Variants in ATRX observed in about 807,000 individuals in gnomAD.
The protein encoded by ATRX is ATRX chromatin remodeler.
In ATRX, 12 loss-of-function variants were observed where a neutral mutation model predicts 172.6. The observed-to-expected ratio is 0.07, with a 90% CI of 0.04 to 0.11. ATRX has a LOEUF of 0.11. Among genes scored for constraint, ATRX ranks in the 10% least tolerant of loss-of-function variants. The pLI, the probability that ATRX is intolerant of heterozygous loss-of-function variation, is 1.00. For missense variants in ATRX, 1,368 were observed against 1,767.4 expected (o/e 0.77, Z 4.05); for synonymous variants, 674 against 594.7 (o/e 1.13, Z -1.94).
intron 1 of ATRX, among the ~76,000 whole-genome samples, chrX:77,757,875 T>C (rs2075566846): frequency 9.2e-6 from 1 of 108,744 alleles, no homozygotes; most frequent in South Asian, 4.2e-4. Flanking sequence ...TTTCTCCATA[T>C]TGGCCAGGCT....
intron 1 of ATRX, among the ~76,000 whole-genome samples, chrX:77,758,726 T>C (rs1215141658): frequency 9.1e-6 from 1 of 110,451 alleles, no homozygotes; most frequent in Non-Finnish European, 1.9e-5. Context: ...CCACTGCACT[T>C]TAGCCTGGGT....
intron 34 of ATRX, among the ~76,000 whole-genome samples, chrX:77,511,973 G>A (rs2062885266): frequency 9.0e-6 from 1 of 111,497 alleles, no homozygotes; most frequent in Non-Finnish European, 1.9e-5. Context: ...GAAAAAGAAG[G>A]TTATGGAACA....
chrX:77,781,441 C>CA (rs781859880), intron 1 of ATRX, among the ~76,000 whole-genome samples: 702 of 26,624 alleles, frequency 0.026, 9 homozygotes, highest in Non-Finnish European at 0.032. Flanking sequence ...GACTCTGTCT[C>CA]AAAAAAAAAA....
At chrX:77,732,062 G>GCACT (rs1426953568) in intron 1 of ATRX, among the ~76,000 whole-genome samples, 1 of 111,949 alleles carries the variant, frequency 8.9e-6, no homozygotes, top group Admixed American at 9.5e-5. Flanking sequence ...AACTAAAGGA[G>GCACT]CACTGTTAAC....
chrX:77,776,287 TGACACATG>T (rs1474818290), intron 1 of ATRX, among the ~76,000 whole-genome samples: 1 of 112,132 alleles, frequency 8.9e-6, no homozygotes, highest in African/African-American at 3.2e-5. Flanking sequence ...TTACAGTTCC[TGACACATG>T]GTAATAGTAA....
chrX:77,570,564 T>C (rs1339346192), intron 28 of ATRX, among the ~76,000 whole-genome samples: 1 of 111,497 alleles, frequency 9.0e-6, no homozygotes, highest in Non-Finnish European at 1.9e-5. Context: ...CAATACAACA[T>C]GGACTTAAAC....
chrX:77,576,088 T>C (rs1179710130), intron 27 of ATRX, among the ~76,000 whole-genome samples: 2 of 111,344 alleles, frequency 1.8e-5, no homozygotes, highest in Non-Finnish European at 3.8e-5. Flanking sequence ...AAACATTTGC[T>C]AAAGATAATT....
At position 77,506,337 on chromosome X, in the gene ATRX, ACT is replaced by A. The variant is rs2062705806; in HGVS notation, c.*2012_*2013del. The A allele has an allele frequency of 5.8e-6, 1 of 171,456 alleles. No homozygotes were observed. Among genetic ancestry groups the A allele is most frequent in the South Asian group, 3.1e-4 (1 of 3,182 alleles). The allele number at this position is 171,456 out of a possible 1,213,427, so 14.1% of individuals were successfully genotyped here. A position where few individuals can be genotyped will look rare whatever the true frequency, so the allele number is the denominator to read the frequency against. On this transcript the variant is annotated 3_prime_UTR_variant, in exon 35 of 35. Transcript: ENST00000373344. ...CAAAGTGGTCCAAGTTTTATTTCAA[ACT>A]CTGATTTCCAATTAACCCTTCTAAG...
intron 1 of ATRX, among the ~76,000 whole-genome samples, chrX:77,785,495 C>T (rs1373579917): frequency 9.2e-6 from 1 of 109,267 alleles, no homozygotes; most frequent in Non-Finnish European, 1.9e-5. Context: ...GGCCCGGGTG[C>T]TTCCCATCTC....
intron 22 of ATRX, among the ~76,000 whole-genome samples, chrX:77,604,531 C>T (rs1317069282): frequency 8.9e-6 from 1 of 112,045 alleles, no homozygotes; most frequent in Non-Finnish European, 1.9e-5. Context: ...AATATGTTTA[C>T]ACTATTGGTG....
At chrX:77,677,720 C>CTTTT (rs2148550695) in intron 9 of ATRX, among the ~76,000 whole-genome samples, 1 of 103,617 alleles carries the variant, frequency 9.7e-6, no homozygotes, top group East Asian at 3.0e-4. Flanking sequence ...AAATAAAAAG[C>CTTTT]TAAAAAGGCA....
chrX:77,594,417 T>C (rs1311505159), intron 25 of ATRX: 2 of 112,088 alleles, frequency 1.8e-5, no homozygotes, highest in African/African-American at 3.2e-5. Flanking sequence ...CCCACAAACT[T>C]TGACTATGAA....
chrX:77,687,109 C>T (rs950077630), intron 7 of ATRX, among the ~76,000 whole-genome samples: 4 of 96,297 alleles, frequency 4.2e-5, no homozygotes, highest in Admixed American at 1.2e-4. Context: ...GCCAAGATCG[C>T]GCCACTGTAC....
intron 7 of ATRX, among the ~76,000 whole-genome samples, chrX:77,687,565 C>G (rs1431676325): frequency 8.9e-6 from 1 of 111,875 alleles, no homozygotes; most frequent in Non-Finnish European, 1.9e-5. Flanking sequence ...GCTCAACAGA[C>G]TGGTTCTTGA....
rs2073482739 is a variant in ATRX, at chrX:77,717,204, G to A, written c.60C>T (p.Asp20=). 3 of 1,209,398 alleles carry A rather than the reference G, an allele frequency of 2.5e-6. No homozygotes were observed. The highest frequency in any genetic ancestry group is 1.7e-5 in the African/African-American group (1 of 57,303). The part of the protein sequence containing the change: ...KLNTLVQKLH[D]FLAHSSEESE... ...ATTCTTCTGATGAGTGTGCAAGGAA[G>A]TCATGAAGCTTCTGCACCAATGTAT... Residue 20 remains aspartate, a synonymous_variant, in exon 2 of 35, where the codon GAC becomes GAT. Coordinates refer to ENST00000373344, the MANE Select transcript of ATRX (RefSeq NM_000489.6).
chrX:77,656,753 A>G, intron 12 of ATRX, 100 bp from the exon 13 acceptor site: 1 of 641,103 alleles, frequency 1.6e-6, no homozygotes, highest in South Asian at 2.8e-5. Flanking sequence ...GAGCATTGTA[A>G]GAACATCAGA....
chrX:77,510,159 C>G (rs1201103642), intron 34 of ATRX, among the ~76,000 whole-genome samples: 1 of 111,905 alleles, frequency 8.9e-6, no homozygotes, highest in Non-Finnish European at 1.9e-5. Context: ...GGCCCTAGCT[C>G]CTGGATGACA....
At chrX:77,697,094 T>G (rs1466355319) in intron 4 of ATRX, among the ~76,000 whole-genome samples, 6 of 112,283 alleles carry the variant, frequency 5.3e-5, no homozygotes, top group Non-Finnish European at 1.1e-4. Context: ...TATTGGGTAC[T>G]ACATTATGTT....
At chrX:77,659,712 T>A (rs1221532019) in intron 12 of ATRX, among the ~76,000 whole-genome samples, 1 of 111,837 alleles carries the variant, frequency 8.9e-6, no homozygotes, top group East Asian at 2.8e-4. Context: ...TTTTGTAACA[T>A]TTTTCTAATT....
Sources: gnomAD v4.1 joint callset for allele counts (sites outside exome capture counted in the v4.1 genomes callset) on GRCh38, gnomAD v4.1.1 for gene constraint, MANE v1.5 for transcripts, NCBI Gene and HGNC (gene_info 2026-07-23, HGNC 2026-07-21) for gene names.